Variants in STPG2 observed in about 807,000 individuals in gnomAD.
The protein encoded by STPG2 is sperm tail PG-rich repeat containing 2.
In STPG2, 56 loss-of-function variants were observed where a neutral mutation model predicts 54.2. The ratio of observed to expected loss-of-function variants is 1.03; its 90% CI spans 0.83 to 1.29. The LOEUF is 1.29. Among genes scored for constraint, STPG2 ranks in the 50% most tolerant of loss-of-function variants. STPG2 has a pLI of 0.00. For missense variants in STPG2, 596 were observed against 544.9 expected (o/e 1.09, Z -0.93); for synonymous variants, 200 against 181.8 (o/e 1.10, Z -0.81).
chr4:97,548,804 C>T (rs535734371), intron 4 of STPG2, among the ~76,000 whole-genome samples: 1 of 152,216 alleles, frequency 6.6e-6, no homozygotes, highest in East Asian at 1.9e-4. Flanking sequence ...AAAAGATACA[C>T]AAGGTATGTT....
At chr4:97,772,926 A>T (rs1726261416) in intron 9 of STPG2, among the ~76,000 whole-genome samples, 1 of 152,192 alleles carries the variant, frequency 6.6e-6, no homozygotes, top group South Asian at 2.1e-4. Flanking sequence ...TTTAGATCCA[A>T]GGGTGGAAAG....
chr4:97,737,142 C>T (rs371549845), intron 9 of STPG2, among the ~76,000 whole-genome samples: 5 of 152,212 alleles, frequency 3.3e-5, no homozygotes, highest in Non-Finnish European at 7.3e-5. Context: ...ACACCTGCAG[C>T]GGAGGGTCCT....
chr4:97,550,947 C>A (rs952015576), intron 4 of STPG2, among the ~76,000 whole-genome samples: 2 of 152,036 alleles, frequency 1.3e-5, no homozygotes, highest in African/African-American at 4.8e-5. Context: ...AGTGCAGACC[C>A]AAAGAGTGAG....
intron 8 of STPG2, among the ~76,000 whole-genome samples, chr4:97,908,006 A>G (rs1731514596): frequency 6.6e-6 from 1 of 152,202 alleles, no homozygotes; most frequent in South Asian, 2.1e-4. Flanking sequence ...ACAAAAGCCA[A>G]AATTGACAAA....
chr4:97,940,888 C>T (rs1434652280), intron 8 of STPG2, among the ~76,000 whole-genome samples: 1 of 152,018 alleles, frequency 6.6e-6, no homozygotes, highest in Non-Finnish European at 1.5e-5. Flanking sequence ...TTTCACTTTA[C>T]TTTGTCTAGG....
chr4:97,522,033 T>G (rs1731191116), intron 4 of STPG2, among the ~76,000 whole-genome samples: 1 of 151,794 alleles, frequency 6.6e-6, no homozygotes, highest in South Asian at 2.1e-4. Flanking sequence ...AAATATGCTT[T>G]AAAAATAAAG....
chr4:97,649,993 A>C (rs565687235), intron 10 of STPG2, among the ~76,000 whole-genome samples: 2 of 152,214 alleles, frequency 1.3e-5, no homozygotes, highest in South Asian at 4.1e-4. Context: ...CCCATGTTGG[A>C]GTGATGGGAG....
At chr4:98,045,755 G>A (rs1311757739) in intron 5 of STPG2, among the ~76,000 whole-genome samples, 4 of 151,544 alleles carry the variant, frequency 2.6e-5, no homozygotes, top group South Asian at 4.2e-4. Flanking sequence ...GTCTTATGGC[G>A]CTCCCATGTA....
chr4:97,853,714 C>G (rs1361516311), intron 8 of STPG2, among the ~76,000 whole-genome samples: 1 of 152,176 alleles, frequency 6.6e-6, no homozygotes. Flanking sequence ...TCTTCCTTCC[C>G]TTCTCTTGAA....
chr4:98,013,216 T>G (rs1260046691), intron 5 of STPG2, among the ~76,000 whole-genome samples: 1 of 152,190 alleles, frequency 6.6e-6, no homozygotes, highest in Non-Finnish European at 1.5e-5. Flanking sequence ...AATCGTGTGG[T>G]TTTTGTCATT....
At chr4:98,103,395 A>T (rs1310899070) in intron 5 of STPG2, among the ~76,000 whole-genome samples, 1 of 152,120 alleles carries the variant, frequency 6.6e-6, no homozygotes, top group Non-Finnish European at 1.5e-5. Context: ...TAATCCTAGC[A>T]CTTTGGGAGG....
At chr4:98,115,448 C>T (rs1349671622) in intron 3 of STPG2, among the ~76,000 whole-genome samples, 1 of 151,776 alleles carries the variant, frequency 6.6e-6, no homozygotes, top group Non-Finnish European at 1.5e-5. Flanking sequence ...TATAAAATAA[C>T]TTTTTTGTAG....
rs544765910 is a variant in STPG2, at chr4:97,796,659, G to A, written c.1204+44114C>T. Among the ~76,000 whole-genome samples the A allele has an allele frequency of 2.0e-5, 3 of 152,190 alleles. No homozygotes were observed. In the South Asian group the frequency reaches 6.2e-4, roughly 32 times the overall value. ...TGATGCCTCCAGCTTTGTTCTTTTG[G>A]CTTAGGATTGTCTTGGCAATGCTGG... On this transcript the variant is annotated intron_variant, in intron 9 of 10. Transcript: ENST00000295268.
intron 9 of STPG2, among the ~76,000 whole-genome samples, chr4:97,731,279 T>C (rs927486113): frequency 6.6e-6 from 1 of 152,174 alleles, no homozygotes; most frequent in African/African-American, 2.4e-5. Flanking sequence ...AACCTCTCTA[T>C]AGGATCTTCA....
chr4:97,991,768 A>T (rs1735025947), intron 5 of STPG2, among the ~76,000 whole-genome samples: 1 of 151,960 alleles, frequency 6.6e-6, no homozygotes, highest in Non-Finnish European at 1.5e-5. Flanking sequence ...CCAACATCTA[A>T]TTTTTTTAAA....
chr4:97,612,454 A>G (rs1733755353), intron 10 of STPG2, among the ~76,000 whole-genome samples: 1 of 152,084 alleles, frequency 6.6e-6, no homozygotes, highest in Admixed American at 6.6e-5. Flanking sequence ...GATTGACCCT[A>G]TAATCCTCTT....
chr4:97,935,312 A>G (rs928611340), intron 8 of STPG2, among the ~76,000 whole-genome samples: 2 of 151,726 alleles, frequency 1.3e-5, no homozygotes, highest in African/African-American at 4.8e-5. Flanking sequence ...CATAGTTTCA[A>G]TAATTTTTTC....
chr4:97,854,730 T>A (rs531062766), intron 8 of STPG2, among the ~76,000 whole-genome samples: 2 of 152,088 alleles, frequency 1.3e-5, no homozygotes, highest in Non-Finnish European at 2.9e-5. Context: ...CCAATTTTAT[T>A]AGATTTTTTT....
intron 5 of STPG2, 95 bp downstream of exon 5, chr4:98,105,858 G>A (rs889191105): frequency 2.8e-5 from 29 of 1,052,102 alleles, no homozygotes; most frequent in Admixed American, 1.3e-4. Context: ...TAGCTATCAG[G>A]CACATTAGAT....
Sources: allele counts gnomAD v4.1 joint callset (sites outside exome capture counted in the v4.1 genomes callset), GRCh38; gene constraint gnomAD v4.1.1; transcripts MANE v1.5; gene names NCBI Gene and HGNC (gene_info 2026-07-23, HGNC 2026-07-21).